Variants in TENM2 observed in about 807,000 individuals in gnomAD.
The protein encoded by TENM2 is teneurin transmembrane protein 2.
TENM2 carries 52 observed loss-of-function variants against 245.2 expected under a neutral mutation model. The ratio of observed to expected loss-of-function variants is 0.21; its 90% CI spans 0.17 to 0.27. TENM2 has a LOEUF of 0.27. Ranked by LOEUF, TENM2 falls within the 10% of genes least tolerant of loss-of-function variation. The probability of loss-of-function intolerance (pLI) is 1.00; values close to 1 mark genes in which losing one functional copy is unlikely to be tolerated. For missense variants in TENM2, 3,046 were observed against 3,666.8 expected (o/e 0.83, Z 4.37); for synonymous variants, 1,363 against 1,438.9 (o/e 0.95, Z 1.19).
chr5:167,421,952 C>T (rs902024198), intron 2 of TENM2, among the ~76,000 whole-genome samples: 4 of 152,074 alleles, frequency 2.6e-5, no homozygotes, highest in Non-Finnish European at 5.9e-5. Flanking sequence ...CCACCACACC[C>T]AGCTAATATT....
chr5:167,195,506 A>G, the TENM2 span, among the ~76,000 whole-genome samples: 3 of 152,046 alleles, frequency 2.0e-5, no homozygotes, highest in African/African-American at 7.2e-5. Flanking sequence ...TCAAGTTTGT[A>G]TCATGAAAGC....
At chr5:167,568,827 C>T (rs1350739928) in intron 2 of TENM2, among the ~76,000 whole-genome samples, 2 of 151,928 alleles carry the variant, frequency 1.3e-5, no homozygotes, top group African/African-American at 4.8e-5. Context: ...ATTATATAGA[C>T]TTAGCCAGAG....
the TENM2 span, among the ~76,000 whole-genome samples, chr5:167,083,980 A>G: frequency 6.6e-6 from 1 of 152,116 alleles, no homozygotes; most frequent in African/African-American, 2.4e-5. Flanking sequence ...GTGCTAATCT[A>G]GCCCCCTAGA....
intron 9 of TENM2, among the ~76,000 whole-genome samples, chr5:168,115,397 G>GA (rs1756558004): frequency 1.8e-5 from 2 of 111,884 alleles, no homozygotes; most frequent in African/African-American, 7.7e-5. Flanking sequence ...AGGAAGGAAG[G>GA]AAGGAAGGAA....
intron 1 of TENM2, among the ~76,000 whole-genome samples, chr5:167,288,224 T>G: frequency 6.6e-6 from 1 of 152,292 alleles, no homozygotes; most frequent in East Asian, 1.9e-4. Flanking sequence ...ACATGGTTTT[T>G]AGGTATATTA....
chr5:167,913,379 G>A (rs920866173), intron 3 of TENM2, among the ~76,000 whole-genome samples: 1 of 152,196 alleles, frequency 6.6e-6, no homozygotes, highest in African/African-American at 2.4e-5. Context: ...TGGGCAAGAA[G>A]AATAAGTTTA....
At chr5:167,445,311 T>TTATATATA (rs755614167) in intron 2 of TENM2, among the ~76,000 whole-genome samples, 230 of 69,936 alleles carry the variant, frequency 3.3e-3, no homozygotes, top group Middle Eastern at 0.01. Flanking sequence ...AACCATATGA[T>TTATATATA]TATATATATA....
At chr5:167,155,926 C>A in the TENM2 span, among the ~76,000 whole-genome samples, 1 of 152,304 alleles carries the variant, frequency 6.6e-6, no homozygotes, top group South Asian at 2.1e-4. Flanking sequence ...TTCCCTGGGT[C>A]CTGTATTTCA....
chr5:167,202,462 G>A, the TENM2 span, among the ~76,000 whole-genome samples: 14 of 152,050 alleles, frequency 9.2e-5, no homozygotes, highest in African/African-American at 3.1e-4. Context: ...ACTAATAATG[G>A]TTTATTTTAC....
chr5:168,110,152 A>G (rs1454098839), intron 9 of TENM2, among the ~76,000 whole-genome samples: 1 of 150,534 alleles, frequency 6.6e-6, no homozygotes, highest in African/African-American at 2.4e-5. Flanking sequence ...ACACAGAGCT[A>G]GGGGAATCCT....
chr5:168,143,166 G>A (rs1337331644), intron 12 of TENM2, among the ~76,000 whole-genome samples: 1 of 152,008 alleles, frequency 6.6e-6, no homozygotes, highest in Non-Finnish European at 1.5e-5. Context: ...TTGAACAAGG[G>A]ATTTTTTGGC....
the TENM2 span, among the ~76,000 whole-genome samples, chr5:167,135,082 C>G: frequency 2.0e-5 from 3 of 152,170 alleles, no homozygotes; most frequent in Non-Finnish European, 4.4e-5. Context: ...GGGAATTTAG[C>G]TAAAACTGTT....
intron 12 of TENM2, among the ~76,000 whole-genome samples, chr5:168,156,869 G>A (rs1462239952): frequency 1.3e-5 from 2 of 152,166 alleles, no homozygotes; most frequent in Non-Finnish European, 1.5e-5. Context: ...AAACAAACTA[G>A]ACATGGTCCC....
chr5:167,121,441 G>C, the TENM2 span, among the ~76,000 whole-genome samples: 1 of 152,198 alleles, frequency 6.6e-6, no homozygotes, highest in East Asian at 1.9e-4. Flanking sequence ...TGTGTGAGTG[G>C]CAGGTGCAAA....
At chr5:167,151,659 C>T in the TENM2 span, among the ~76,000 whole-genome samples, 1 of 152,096 alleles carries the variant, frequency 6.6e-6, no homozygotes, top group Non-Finnish European at 1.5e-5. Context: ...GCTGGGACTA[C>T]AGGCACCCGC....
At chr5:167,285,122 G>A in intron 1 of TENM2, 59 bp downstream of exon 3, 1 of 1,320,616 alleles carries the variant, frequency 7.6e-7, no homozygotes, top group Non-Finnish European at 1.1e-6. Flanking sequence ...TGATTTACAT[G>A]GTTGATGGCT....
At chr5:167,946,768 C>T (rs1779660695) in intron 3 of TENM2, among the ~76,000 whole-genome samples, 1 of 152,158 alleles carries the variant, frequency 6.6e-6, no homozygotes, top group Admixed American at 6.5e-5. Context: ...CTCTCTGAAC[C>T]TCACTTACTG....
intron 2 of TENM2, among the ~76,000 whole-genome samples, chr5:167,630,068 C>A (rs570623110): frequency 8.6e-5 from 13 of 151,784 alleles, no homozygotes; most frequent in African/African-American, 1.2e-4. Flanking sequence ...GCACATATTT[C>A]TTTTTTCTTC....
At chr5:167,015,912 G>C in the TENM2 span, among the ~76,000 whole-genome samples, 1 of 151,814 alleles carries the variant, frequency 6.6e-6, no homozygotes, top group African/African-American at 2.4e-5. Context: ...TTTCTGCCCT[G>C]AGTAATCCTC....
Sources: gnomAD v4.1 joint callset for allele counts (sites outside exome capture counted in the v4.1 genomes callset) on GRCh38, gnomAD v4.1.1 for gene constraint, MANE v1.5 for transcripts, NCBI Gene and HGNC (gene_info 2026-07-23, HGNC 2026-07-21) for gene names.